JAG2: variants seen among roughly 807,000 people sequenced by gnomAD.
JAG2 encodes jagged canonical Notch ligand 2.
Under a neutral mutation model 141.7 loss-of-function variants are expected in JAG2, and 46 were observed. The ratio of observed to expected loss-of-function variants is 0.32; its 90% CI spans 0.26 to 0.42. JAG2 has a LOEUF of 0.42. JAG2 is among the 10% of genes least tolerant of loss of function. The pLI is 1.00. For synonymous variants in JAG2, 862 were observed against 763.5 expected, an observed-to-expected ratio of 1.13 and a Z score of -2.13; for missense variants, 1,500 against 1,817.5, an observed-to-expected ratio of 0.83 and a Z score of 3.18.
In JAG2 at chr14:105,142,568, G is replaced by T. The variant is rs2140967220; in HGVS notation, c.*127C>A. 1.5e-6 allele frequency: 1 copy of T among 666,294 alleles called. No individual in the cohort carries two copies. The highest frequency in any genetic ancestry group is 2.5e-6 in the Non-Finnish European group (1 of 393,918). 41.3% of individuals were successfully genotyped at this position (666,294 alleles called of 1,614,324 possible). On this transcript the variant is annotated 3_prime_UTR_variant, in exon 26 of 26. Coordinates refer to ENST00000331782, the MANE Select transcript of JAG2 (RefSeq NM_002226.5). ...AAGAAACGTAGAAAATAAACATTTG[G>T]TTTTTGTTTTTGGTGGTTTTTTTAC... is the stretch of plus-strand genomic sequence containing the variant.
At position 105,149,405 on chromosome 14, in the gene JAG2, A is replaced by G; in HGVS notation, c.1603-85T>C. 4 of 1,568,420 alleles carry G rather than the reference A, an allele frequency of 2.6e-6. No homozygotes were observed. The South Asian group carries it at 3.3e-5, about 13-fold the overall frequency. On this transcript the variant is annotated intron_variant, in intron 12 of 25. Transcript: ENST00000331782. Reference sequence around the variant, plus strand: ...CAGGCCTCTGTCCATACGAAGGTAGATCCCTGGGGACCCCCAGGCCCCTCC... The same window carrying G: ...CAGGCCTCTGTCCATACGAAGGTAGGTCCCTGGGGACCCCCAGGCCCCTCC...
Position 105,167,642 on chromosome 14 carries a change from G to A in JAG2, c.417+115C>T. ...CCCCTGCCGGCCCCGCCCCGCCTGGGCGCGCGCGGCTCGCACGCAGACCCG... is the reference window on the plus strand; with the variant it reads ...CCCCTGCCGGCCCCGCCCCGCCTGGACGCGCGCGGCTCGCACGCAGACCCG... On this transcript the variant is annotated intron_variant, in intron 2 of 25. Coordinates refer to ENST00000331782, the MANE Select transcript of JAG2 (RefSeq NM_002226.5). The surrounding 1 kb of genome is among the most constrained non-coding windows in gnomAD (Gnocchi z 4.8). 8.6e-7 allele frequency: 1 copy of A among 1,159,754 alleles called. No individual in the cohort carries two copies. Among genetic ancestry groups the A allele is most frequent in the Non-Finnish European group, 1.1e-6 (1 of 934,078 alleles). The allele number at this position is 1,159,754 out of a possible 1,614,324, so 71.8% of individuals were successfully genotyped here.
At position 105,151,922 on chromosome 14, in the gene JAG2, C is replaced by A. The variant is rs1459316436; in HGVS notation, c.1039+16G>T. On this transcript the variant is annotated intron_variant, in intron 7 of 25. Coordinates refer to ENST00000331782, the MANE Select transcript of JAG2 (RefSeq NM_002226.5). ...CCCTGCCTGGCCAGAATTTGGGTGG[C>A]CAGCCCCCCACGTACCCTTCTCACA... is the stretch of plus-strand genomic sequence containing the variant. 2 of 1,612,642 alleles carry A rather than the reference C, an allele frequency of 1.2e-6. No homozygotes were observed. The highest frequency in any genetic ancestry group is 3.3e-5 in the Admixed American group (2 of 60,022).
chr14:105,153,390 CAG>C (rs1239766813), intron 5 of JAG2, among the ~76,000 whole-genome samples: 4 of 152,344 alleles, frequency 2.6e-5, no homozygotes, highest in African/African-American at 9.6e-5. Context: ...TCCACAGACA[CAG>C]AGACCCAGGC....
chr14:105,156,818 G>A (rs1270885384), intron 3 of JAG2, among the ~76,000 whole-genome samples: 1 of 152,070 alleles, frequency 6.6e-6, no homozygotes, highest in Non-Finnish European at 1.5e-5. Flanking sequence ...GACCTTGCTT[G>A]GGACTCAGCC....
In JAG2 at chr14:105,148,302, C is replaced by T. The variant is rs371270744; in HGVS notation, c.2134+24G>A. 35 of 1,600,112 alleles carry T rather than the reference C, an allele frequency of 2.2e-5. No individual in the cohort carries two copies. The East Asian group carries it at 3.6e-4, about 17-fold the overall frequency. ...CCAGGGTCCTGGGGGCAGCCCCAGGCGGCCAGGGCCTGCGGACACTCACGT... is the reference window on the plus strand; with the variant it reads ...CCAGGGTCCTGGGGGCAGCCCCAGGTGGCCAGGGCCTGCGGACACTCACGT... On this transcript the variant is annotated intron_variant, in intron 16 of 25. Coordinates refer to ENST00000331782, the MANE Select transcript of JAG2 (RefSeq NM_002226.5).
At chr14:105,155,678 G>A in intron 4 of JAG2, 56 bp from the exon 5 acceptor site, 2 of 1,612,344 alleles carry the variant, frequency 1.2e-6, no homozygotes, top group Admixed American at 1.7e-5. Context: ...CGCAAGGCCT[G>A]TGCCCGGGGC....
In JAG2 at chr14:105,147,042, C is replaced by T. The variant is rs113549127; in HGVS notation, c.2479+284G>A. On this transcript the variant is annotated intron_variant, in intron 20 of 25. Transcript: ENST00000331782. Reference sequence around the variant, plus strand: ...CCAACACCCAGGGACAACAGCCCTGCGGCCACAGAGGAGCCCACGTCAGGC... The same window carrying T: ...CCAACACCCAGGGACAACAGCCCTGTGGCCACAGAGGAGCCCACGTCAGGC... 2.2e-3 allele frequency: 1,346 copies of T among 601,314 alleles called. 17 individuals carry two copies. The African/African-American group carries it at 0.023, about 10-fold the overall frequency. The allele number at this position is 601,314 out of a possible 1,614,324, so 37.2% of individuals were successfully genotyped here. A position where few individuals can be genotyped will look rare whatever the true frequency, so the allele number is the denominator to read the frequency against.
At chr14:105,146,289 C>A in intron 22 of JAG2, 96 bp downstream of exon 22, 1 of 1,126,154 alleles carries the variant, frequency 8.9e-7, no homozygotes, top group Non-Finnish European at 1.3e-6. Context: ...CTCAGTCCAT[C>A]CGGACCCCAG....
chr14:105,156,327 C>T (rs12590922), intron 3 of JAG2, among the ~76,000 whole-genome samples: 1 of 152,136 alleles, frequency 6.6e-6, no homozygotes, highest in African/African-American at 2.4e-5. Flanking sequence ...AGTCTCACGT[C>T]CCACACCTGT....
intron 12 of JAG2, among the ~76,000 whole-genome samples, chr14:105,150,058 AGGTGGGGAAGGGGGTGGTAGGGGT>A (rs1412373307): frequency 9.1e-5 from 5 of 54,960 alleles, no homozygotes; most frequent in Admixed American, 2.2e-4. Flanking sequence ...GGGAAGGGGG[AGGTGGGGAAGGGGGTGGTAGGGGT>A]GGTGGGGAAG....
Position 105,168,358 on chromosome 14 carries a change from C to A in JAG2, c.63G>T (p.Val21=), listed in dbSNP as rs1261594147. Residue 21 remains valine, a synonymous_variant, in exon 1 of 26, where the codon GTG becomes GTT. Transcript: ENST00000331782. ...CCGCCCCCGCCGCCCCGCTCACCTG[C>A]ACCCAGAGCGCCAGCAGCAGCAGCA... ...RRLLLLLALW[V]QAARPMGYFE... The A allele has an allele frequency of 3.0e-6, 3 of 993,236 alleles. No homozygotes were observed. The highest frequency in any genetic ancestry group is 3.7e-6 in the Non-Finnish European group (3 of 801,094). 61.5% of individuals were successfully genotyped at this position (993,236 alleles called of 1,614,324 possible).
chr14:105,162,663 A>G (rs1295523074), intron 2 of JAG2, among the ~76,000 whole-genome samples: 1 of 145,636 alleles, frequency 6.9e-6, no homozygotes, highest in African/African-American at 2.8e-5. Context: ...GGCACCTTAA[A>G]GCCCAGGACA....
chr14:105,145,261 C>T (rs587594304), intron 23 of JAG2, among the ~76,000 whole-genome samples, 200 bp from the exon 24 acceptor site: 1 of 152,320 alleles, frequency 6.6e-6, no homozygotes, highest in Admixed American at 6.5e-5. Flanking sequence ...GGTGCCCACC[C>T]GCCCATCCTC....
intron 2 of JAG2, among the ~76,000 whole-genome samples, chr14:105,166,380 C>G (rs1595192401): frequency 6.6e-6 from 1 of 152,256 alleles, no homozygotes; most frequent in Non-Finnish European, 1.5e-5. Flanking sequence ...TGACAGGCTG[C>G]GGGCCCTGCT....
In JAG2 at chr14:105,142,773, G is replaced by A. The variant is rs368232652; in HGVS notation, c.3639C>T (p.Ala1213=). ...CCACTTTGGGGCCTGAGGCCCAGTG[G>A]GCCGGCCTCCCCGGCGAGCGGCCAG... ...KDPGRSPGRP[A]HWASGPKVDN... is the part of the protein sequence containing the mutation. Residue 1213 remains alanine, a synonymous_variant, in exon 26 of 26, where the codon GCC becomes GCT. Coordinates refer to ENST00000331782, the MANE Select transcript of JAG2 (RefSeq NM_002226.5). 9 of 1,610,838 alleles carry A rather than the reference G, an allele frequency of 5.6e-6. No homozygotes were observed. Among genetic ancestry groups the A allele is most frequent in the Non-Finnish European group, 7.6e-6 (9 of 1,179,118 alleles).
Position 105,147,384 on chromosome 14 carries a change from G to C in JAG2, c.2421C>G (p.Gly807=). The C allele has an allele frequency of 6.2e-7, 1 of 1,601,478 alleles. No individual in the cohort carries two copies. The highest frequency in any genetic ancestry group is 8.5e-7 in the Non-Finnish European group (1 of 1,174,822). Residue 807 remains glycine (G), a synonymous_variant, in exon 20 of 26, where the codon GGC becomes GGG. Transcript: ENST00000331782. ...CACACTCGCAGCGGAACCAGTTGAC[G>C]CCGTCAACACAGATGCCACCATTGT... ...PCYNGGICVD[G]VNWFRCECAP...
At chr14:105,163,923 C>T (rs928901979) in intron 2 of JAG2, among the ~76,000 whole-genome samples, 3 of 152,042 alleles carry the variant, frequency 2.0e-5, no homozygotes, top group Non-Finnish European at 2.9e-5. Context: ...GATTGCAGAT[C>T]CTTGTCTTCC....
At chr14:105,163,643 C>T (rs1888824241) in intron 2 of JAG2, among the ~76,000 whole-genome samples, 1 of 148,726 alleles carries the variant, frequency 6.7e-6, no homozygotes, top group Non-Finnish European at 1.5e-5. Context: ...ACAGGGACTC[C>T]GCTCAGGCCT....
Sources: gnomAD v4.1 joint callset for allele counts (sites outside exome capture counted in the v4.1 genomes callset) on GRCh38, gnomAD v4.1.1 for gene constraint, Gnocchi (gnomAD v3.1) non-coding constraint, MANE v1.5 for transcripts, NCBI Gene and HGNC (gene_info 2026-07-23, HGNC 2026-07-21) for gene names.